NDUFS4: variants seen among roughly 807,000 people sequenced by gnomAD.
NDUFS4 encodes NADH dehydrogenase [ubiquinone] iron-sulfur protein 4, mitochondrial.
A neutral mutation model predicts 24.3 loss-of-function variants in NDUFS4; 28 were observed. That is an observed-to-expected ratio of 1.15 (90% confidence interval 0.85 to 1.58). The LOEUF is 1.58. Ranked by LOEUF, NDUFS4 falls within the 40% of genes most tolerant of loss-of-function variation. The pLI is 0.00. For synonymous variants in NDUFS4, 93 were observed against 69.7 expected, an observed-to-expected ratio of 1.34 and a Z score of -1.67; for missense variants, 223 against 207.9, an observed-to-expected ratio of 1.07 and a Z score of -0.45.
chr5:53,608,414 C>A (rs1192982942), intron 2 of NDUFS4, among the ~76,000 whole-genome samples: 1 of 152,164 alleles, frequency 6.6e-6, no homozygotes, highest in South Asian at 2.1e-4. Flanking sequence ...TGAAAAATTT[C>A]TCTGTAGCAT....
At chr5:53,583,487 T>C (rs1327965484) in intron 1 of NDUFS4, among the ~76,000 whole-genome samples, 1 of 152,222 alleles carries the variant, frequency 6.6e-6, no homozygotes, top group Non-Finnish European at 1.5e-5. Context: ...AATAAATAGC[T>C]GTATAGCTAT....
intron 2 of NDUFS4, among the ~76,000 whole-genome samples, chr5:53,642,959 A>G (rs181161933): frequency 3.7e-4 from 57 of 152,252 alleles, no homozygotes; most frequent in African/African-American, 1.4e-3. Flanking sequence ...TCATTTATTA[A>G]AATAGCATAT....
At chr5:53,562,943 G>A (rs1748895633) in intron 1 of NDUFS4, among the ~76,000 whole-genome samples, 1 of 143,994 alleles carries the variant, frequency 6.9e-6, no homozygotes, top group African/African-American at 2.6e-5. Flanking sequence ...CTGAAGGAAA[G>A]GAAGGGCCGG....
In NDUFS4 at chr5:53,624,441, T is replaced by G. The variant is rs1363718253; in HGVS notation, c.177+20911T>G. Among the ~76,000 whole-genome samples, 3 of 152,348 alleles carry G rather than the reference T, an allele frequency of 2.0e-5. 1 individual carries two copies. In the South Asian group the frequency reaches 6.2e-4, roughly 32 times the overall value. ...GATTGCTTTGGGTAGTATTGTCATC[T>G]TAACAATACTGATGTTTCCAGTTGA... On this transcript the variant is annotated intron_variant, in intron 2 of 4. Coordinates refer to ENST00000296684, the MANE Select transcript of NDUFS4 (RefSeq NM_002495.4).
At chr5:53,624,297 T>G (rs1751151357) in intron 2 of NDUFS4, among the ~76,000 whole-genome samples, 1 of 152,218 alleles carries the variant, frequency 6.6e-6, no homozygotes, top group African/African-American at 2.4e-5. Context: ...CCTCCAGCTT[T>G]GTTCTTCATT....
rs58169759 is a variant in NDUFS4 at position 53,621,690 on chromosome 5, A to ATTTTTTTTTT, written c.177+18180_177+18189dup. On this transcript the variant is annotated intron_variant, in intron 2 of 4. Coordinates refer to ENST00000296684, the MANE Select transcript of NDUFS4 (RefSeq NM_002495.4). ...ATATTTGTTATAAACCTCATAGTAAATTTTTTTTTTTTTTTTTTTTTTTTT... is the reference window on the plus strand; with the variant it reads ...ATATTTGTTATAAACCTCATAGTAAATTTTTTTTTTTTTTTTTTTTTTTTTTTTTTTTTTT... Among the ~76,000 whole-genome samples the ATTTTTTTTTT allele has an allele frequency of 3.7e-5, 3 of 81,544 alleles. 1 individual carries two copies. Among genetic ancestry groups the ATTTTTTTTTT allele is most frequent in the African/African-American group, 1.7e-4 (3 of 18,060 alleles). 53.5% of individuals were successfully genotyped at this position (81,544 alleles called of 152,430 possible).
chr5:53,576,642 A>G (rs1373783059), intron 1 of NDUFS4, among the ~76,000 whole-genome samples: 3 of 151,782 alleles, frequency 2.0e-5, no homozygotes, highest in Admixed American at 6.6e-5. Flanking sequence ...AAAATACTCA[A>G]TGTTTGTAAT....
At chr5:53,596,964 A>G (rs72751849) in intron 1 of NDUFS4, among the ~76,000 whole-genome samples, 24,441 of 152,216 alleles carry the variant, frequency 0.16, 1,956 homozygotes, top group Middle Eastern at 0.19. Flanking sequence ...TTTTAAATCT[A>G]TAGCTGGACA....
intron 2 of NDUFS4, among the ~76,000 whole-genome samples, chr5:53,631,164 T>C (rs990815092): frequency 1.3e-5 from 2 of 152,210 alleles, no homozygotes; most frequent in African/African-American, 4.8e-5. Context: ...AGTTGGAGTT[T>C]GCTGGAGGTC....
intron 2 of NDUFS4, among the ~76,000 whole-genome samples, chr5:53,615,979 A>C (rs1750825975): frequency 2.6e-5 from 4 of 152,154 alleles, no homozygotes; most frequent in Admixed American, 2.0e-4. Context: ...TGGGTAGTTT[A>C]AGATTTGACA....
intron 4 of NDUFS4, among the ~76,000 whole-genome samples, chr5:53,677,043 G>C (rs1048848859): frequency 6.6e-6 from 1 of 152,012 alleles, no homozygotes; most frequent in Admixed American, 6.6e-5. Context: ...GTGGTTTTTG[G>C]CTATTTGTGT....
At chr5:53,569,447 G>A (rs1402118730) in intron 1 of NDUFS4, among the ~76,000 whole-genome samples, 1 of 152,062 alleles carries the variant, frequency 6.6e-6, no homozygotes, top group Non-Finnish European at 1.5e-5. Flanking sequence ...TTCTATCTTT[G>A]TAGGTTAACT....
chr5:53,582,790 G>A (rs1749615309), intron 1 of NDUFS4, among the ~76,000 whole-genome samples: 1 of 152,144 alleles, frequency 6.6e-6, no homozygotes, highest in African/African-American at 2.4e-5. Flanking sequence ...AGTACTTAGC[G>A]TGTAATAGAT....
At chr5:53,661,285 A>G (rs1489930213) in intron 4 of NDUFS4, among the ~76,000 whole-genome samples, 2 of 152,116 alleles carry the variant, frequency 1.3e-5, no homozygotes, top group Non-Finnish European at 2.9e-5. Context: ...TGTTTTTGTC[A>G]GGTTTGTCAA....
intron 1 of NDUFS4, among the ~76,000 whole-genome samples, chr5:53,584,304 A>G (rs892103033): frequency 2.6e-5 from 4 of 152,206 alleles, no homozygotes; most frequent in Non-Finnish European, 5.9e-5. Context: ...GAGAATAGGA[A>G]TTAGAATCTT....
intron 2 of NDUFS4, among the ~76,000 whole-genome samples, chr5:53,614,348 T>C (rs890857360): frequency 9.2e-5 from 14 of 151,926 alleles, no homozygotes; most frequent in Admixed American, 7.2e-4. Context: ...AAAATGAATG[T>C]TAAGTATTAC....
intron 4 of NDUFS4, among the ~76,000 whole-genome samples, chr5:53,660,175 G>T (rs1432341888): frequency 1.6e-5 from 2 of 127,276 alleles, no homozygotes; most frequent in Non-Finnish European, 3.1e-5. Context: ...AGGTCCCGGA[G>T]TGTGATGTTC....
chr5:53,672,464 A>G (rs943056291), intron 4 of NDUFS4, among the ~76,000 whole-genome samples: 5 of 152,302 alleles, frequency 3.3e-5, no homozygotes, highest in Admixed American at 2.6e-4. Context: ...AACACAGGAC[A>G]GAAATTACAT....
intron 2 of NDUFS4, among the ~76,000 whole-genome samples, chr5:53,620,227 T>A (rs555660310): frequency 6.6e-6 from 1 of 152,168 alleles, no homozygotes; most frequent in Admixed American, 6.5e-5. Flanking sequence ...TTTAGAGATA[T>A]GGCTTTATTT....
Sources: allele counts gnomAD v4.1 joint callset (sites outside exome capture counted in the v4.1 genomes callset), GRCh38; gene constraint gnomAD v4.1.1; transcripts MANE v1.5; gene names NCBI Gene and HGNC (gene_info 2026-07-23, HGNC 2026-07-21).